Variants in FGR observed in about 807,000 individuals in gnomAD.
FGR encodes the protein tyrosine-protein kinase Fgr.
FGR carries 26 observed loss-of-function variants against 63.2 expected under a neutral mutation model. That is an observed-to-expected ratio of 0.41 (90% confidence interval 0.30 to 0.57). FGR has a LOEUF of 0.57. Ranked by LOEUF, FGR falls within the 20% of genes least tolerant of loss-of-function variation. The pLI, the probability that FGR is intolerant of heterozygous loss-of-function variation, is 0.27. For missense variants in FGR, 511 were observed against 690.8 expected, an observed-to-expected ratio of 0.74 and a Z score of 2.92; for synonymous variants, 286 against 277.7, an observed-to-expected ratio of 1.03 and a Z score of -0.30.
intron 11 of FGR, among the ~76,000 whole-genome samples, chr1:27,614,046 G>C (rs1436458988): frequency 6.6e-6 from 1 of 152,154 alleles, no homozygotes; most frequent in Non-Finnish European, 1.5e-5. Flanking sequence ...CCAGATCACA[G>C]AGTTAATACC....
Position 27,615,745 on chromosome 1 carries a change from C to G in FGR, c.782G>C (p.Ser261Thr). The change falls in exon 8 of 13, where the codon AGC (serine) becomes ACC (threonine). Residue 261 changes from serine to threonine, a missense_variant. Transcript: ENST00000374005. The surrounding 1 kb of genome is among the most constrained non-coding windows in gnomAD (Gnocchi z 7.6). Reference sequence around the variant, plus strand: ...CAGCCGGCGCTCCAGCGTGATGGAGCTGCGGCTGATCTCCCAGGCGTCCTT... The same window carrying G: ...CAGCCGGCGCTCCAGCGTGATGGAGGTGCGGCTGATCTCCCAGGCGTCCTT... ...LAKDAWEISR[S>T]SITLERRLGT... 1.2e-6 allele frequency: 2 copies of G among 1,609,172 alleles called. No homozygotes were observed. Among genetic ancestry groups the G allele is most frequent in the South Asian group, 2.2e-5 (2 of 90,248 alleles).
In FGR at chr1:27,615,537, C is replaced by T. The variant is rs1180447558; in HGVS notation, c.915G>A (p.Glu305=). ...PGTMSPKAFL[E]EAQVMKLLRH... is the part of the protein sequence containing the mutation. ...GCAGCAGCTTCATGACCTGCGCCTCCTCCAGGAAGGCCTTCGGGGACATGG... is the reference window on the plus strand; with the variant it reads ...GCAGCAGCTTCATGACCTGCGCCTCTTCCAGGAAGGCCTTCGGGGACATGG... Residue 305 remains glutamate, a synonymous_variant, in exon 9 of 13, where the codon GAG becomes GAA. Coordinates refer to ENST00000374005, the MANE Select transcript of FGR (RefSeq NM_005248.3). This position sits in a 1 kb window ranked among gnomAD's most constrained non-coding sequence, Gnocchi z 7.6. 2 of 1,614,006 alleles carry T rather than the reference C, an allele frequency of 1.2e-6. No homozygotes were observed. The highest frequency in any genetic ancestry group is 8.5e-7 in the Non-Finnish European group (1 of 1,179,864).
Position 27,616,439 on chromosome 1 carries a change from C to T in FGR, c.682+418G>A, listed in dbSNP as rs1344071165. On this transcript the variant is annotated intron_variant, in intron 7 of 12. Transcript: ENST00000374005. The surrounding 1 kb of genome is among the most constrained non-coding windows in gnomAD (Gnocchi z 4.3). ...ATGGACCCCTCACTCTGCCTTGGCC[C>T]CTGGCATCCAAGCTCCACCAGCAGC... Among the ~76,000 whole-genome samples, 2 of 152,226 alleles carry T rather than the reference C, an allele frequency of 1.3e-5. No individual in the cohort carries two copies. The highest frequency in any genetic ancestry group is 6.5e-5 in the Admixed American group (1 of 15,284).
Position 27,617,158 on chromosome 1 carries a change from C to T in FGR, c.532+35G>A. On this transcript the variant is annotated intron_variant, in intron 6 of 12. Coordinates refer to ENST00000374005, the MANE Select transcript of FGR (RefSeq NM_005248.3). The surrounding 1 kb of genome is among the most constrained non-coding windows in gnomAD (Gnocchi z 4.5). ...CCTAGCCCTACCCCAATGGCTGGGCCTCCCAGTCGCCTTGGGGCGTGGCAC... is the reference window on the plus strand; with the variant it reads ...CCTAGCCCTACCCCAATGGCTGGGCTTCCCAGTCGCCTTGGGGCGTGGCAC... The T allele has an allele frequency of 6.2e-7, 1 of 1,601,952 alleles. No individual in the cohort carries two copies. Among genetic ancestry groups the T allele is most frequent in the Non-Finnish European group, 8.6e-7 (1 of 1,169,322 alleles).
Position 27,615,920 on chromosome 1 carries a change from G to C in FGR, c.683-76C>G. ...TCCACTCCTTATCCTATCCCAGCCT[G>C]GTGCCAGACCCTAAGATCAGTTATA... is the stretch of plus-strand genomic sequence containing the variant. On this transcript the variant is annotated intron_variant, in intron 7 of 12. Transcript: ENST00000374005. The surrounding 1 kb of genome is among the most constrained non-coding windows in gnomAD (Gnocchi z 7.6). 7.0e-7 allele frequency: 1 copy of C among 1,433,760 alleles called. No homozygotes were observed. The allele number at this position is 1,433,760 out of a possible 1,614,324, so 88.8% of individuals were successfully genotyped here.
chr1:27,613,161 G>A (rs2089727559), intron 12 of FGR, 39 bp from the exon 13 acceptor site: 2 of 1,610,526 alleles, frequency 1.2e-6, no homozygotes, highest in African/African-American at 2.7e-5. Flanking sequence ...GGACAGCCAG[G>A]TGGAAGCCCT....
In FGR at chr1:27,615,013, TC is replaced by T; in HGVS notation, c.1019-88del. ...TCGCTTGACCCCGCCCCTCAGCCCC[TC>T]CCACCTGGACCCGCCCCTCACTTAG... On this transcript the variant is annotated intron_variant, in intron 9 of 12. Transcript: ENST00000374005. This position sits in a 1 kb window ranked among gnomAD's most constrained non-coding sequence, Gnocchi z 7.6. The T allele has an allele frequency of 1.2e-6, 1 of 837,872 alleles. No homozygotes were observed. Among genetic ancestry groups the T allele is most frequent in the Non-Finnish European group, 1.7e-6 (1 of 591,092 alleles). 51.9% of individuals were successfully genotyped at this position (837,872 alleles called of 1,614,324 possible).
chr1:27,613,694 C>CAAAAA (rs56363244), intron 11 of FGR, among the ~76,000 whole-genome samples: 4 of 74,208 alleles, frequency 5.4e-5, no homozygotes, highest in African/African-American at 1.2e-4. Flanking sequence ...GACTCCATCT[C>CAAAAA]AAAAAAAAAA....
intron 3 of FGR, 184 bp downstream of exon 3, chr1:27,623,507 C>G (rs2089966534): frequency 1.4e-6 from 1 of 693,422 alleles, no homozygotes; most frequent in Non-Finnish European, 2.6e-6. Flanking sequence ...CTTGACCCTC[C>G]CCTGCAGACT....
Position 27,615,473 on chromosome 1 carries a change from C to G in FGR, c.979G>C (p.Glu327Gln). 6.2e-7 allele frequency: 1 copy of G among 1,610,570 alleles called. No homozygotes were observed. The change falls in exon 9 of 13, where the codon GAG (glutamate) becomes CAG (glutamine). Residue 327 changes from glutamate to glutamine, a missense_variant. By Grantham distance (29) the Glu-to-Gln change is conservative. Transcript: ENST00000374005. The surrounding 1 kb of genome is among the most constrained non-coding windows in gnomAD (Gnocchi z 7.6). ...KLVQLYAVVS[E>Q]EPIYIVTEFM... Reference sequence around the variant, plus strand: ...TCGGTCACGATGTAGATGGGCTCCTCCGACACCACGGCGTACAGCTGCACC... The same window carrying G: ...TCGGTCACGATGTAGATGGGCTCCTGCGACACCACGGCGTACAGCTGCACC...
At chr1:27,622,074 G>A (rs2089939034) in intron 4 of FGR, among the ~76,000 whole-genome samples, 2 of 152,116 alleles carry the variant, frequency 1.3e-5, no homozygotes, top group South Asian at 2.1e-4. Flanking sequence ...CAGTTTGGGA[G>A]GCCCAGGCAG....
Position 27,615,507 on chromosome 1 carries a change from G to T in FGR, c.945C>A (p.His315Gln). The T allele has an allele frequency of 6.2e-7, 1 of 1,613,808 alleles. No individual in the cohort carries two copies. The highest frequency in any genetic ancestry group is 1.1e-5 in the South Asian group (1 of 91,076). The change falls in exon 9 of 13, where the codon CAC becomes CAA. Residue 315 changes from histidine (H) to glutamine (Q), a missense_variant. Coordinates refer to ENST00000374005, the MANE Select transcript of FGR (RefSeq NM_005248.3). This position sits in a 1 kb window ranked among gnomAD's most constrained non-coding sequence, Gnocchi z 7.6. ...EEAQVMKLLR[H>Q]DKLVQLYAVV... ...CGGCGTACAGCTGCACCAGCTTGTC[G>T]TGCCGCAGCAGCTTCATGACCTGCG...
intron 5 of FGR, among the ~76,000 whole-genome samples, chr1:27,619,438 G>T (rs1340217661): frequency 6.6e-6 from 1 of 152,120 alleles, no homozygotes; most frequent in African/African-American, 2.4e-5. Flanking sequence ...TGATCCGCCC[G>T]CCTCGGCCTC....
chr1:27,631,877 T>C (rs555802105), intron 1 of FGR, among the ~76,000 whole-genome samples: 1 of 152,114 alleles, frequency 6.6e-6, no homozygotes, highest in South Asian at 2.1e-4. Context: ...GAGTTCCGGC[T>C]TCTCCTCCAG....
intron 5 of FGR, among the ~76,000 whole-genome samples, chr1:27,620,383 G>A (rs1398062362): frequency 1.3e-5 from 2 of 152,158 alleles, no homozygotes; most frequent in Non-Finnish European, 2.9e-5. Flanking sequence ...GGAAGCCAAG[G>A]TGAGAGGACT....
chr1:27,614,617 A>G, intron 10 of FGR, 34 bp from the exon 11 acceptor site: 1 of 1,608,638 alleles, frequency 6.2e-7, no homozygotes, highest in Non-Finnish European at 8.5e-7. Context: ...ATGGGAGCTC[A>G]TGTGGACTCA....
chr1:27,613,975 T>G (rs1367301843), intron 11 of FGR, among the ~76,000 whole-genome samples: 2 of 152,164 alleles, frequency 1.3e-5, no homozygotes, highest in African/African-American at 4.8e-5. Flanking sequence ...AAAACCCCCA[T>G]GAGATAGAGA....
At chr1:27,623,966 C>A (rs1285404022) in intron 2 of FGR, 37 bp from the exon 3 acceptor site, 2 of 1,499,064 alleles carry the variant, frequency 1.3e-6, no homozygotes, top group African/African-American at 2.8e-5. Flanking sequence ...AGGACCCCTG[C>A]CAGGTGCACC....
chr1:27,629,907 T>C (rs11802297), intron 1 of FGR, among the ~76,000 whole-genome samples: 1,798 of 152,278 alleles, frequency 0.012, 33 homozygotes, highest in African/African-American at 0.041. Flanking sequence ...CAAAAACCAC[T>C]GTAACCACTA....
Sources: allele counts gnomAD v4.1 joint callset (sites outside exome capture counted in the v4.1 genomes callset), GRCh38; gene constraint gnomAD v4.1.1; non-coding constraint Gnocchi (gnomAD v3.1); transcripts MANE v1.5; gene names NCBI Gene and HGNC (gene_info 2026-07-23, HGNC 2026-07-21).